The following FCHSD2 variants were observed in gnomAD, a reference collection of about 807,000 sequenced individuals.
The protein encoded by FCHSD2 is F-BAR and double SH3 domains protein 2.
FCHSD2 carries 38 observed loss-of-function variants against 108.1 expected under a neutral mutation model. That is an observed-to-expected ratio of 0.35 (90% CI 0.27 to 0.46). FCHSD2 has a LOEUF of 0.46. Among genes scored for constraint, FCHSD2 ranks in the 20% least tolerant of loss-of-function variants. The probability of loss-of-function intolerance (pLI) is 1.00; values close to 1 mark genes in which losing one functional copy is unlikely to be tolerated. For missense variants in FCHSD2, 751 were observed against 897.8 expected (o/e 0.84, Z 2.09); for synonymous variants, 279 against 314.7 (o/e 0.89, Z 1.20).
At chr11:72,890,105 C>T (rs933603523) in intron 10 of FCHSD2, among the ~76,000 whole-genome samples, 160 bp from the exon 11 acceptor site, 1 of 152,184 alleles carries the variant, frequency 6.6e-6, no homozygotes, top group Non-Finnish European at 1.5e-5. Context: ...CAGAAAGTTA[C>T]CAGAAGAGTA....
chr11:72,988,877 C>T, intron 6 of FCHSD2, 87 bp downstream of exon 6: 1 of 1,108,176 alleles, frequency 9.0e-7, no homozygotes, highest in Non-Finnish European at 1.3e-6. Flanking sequence ...AGAATGGGTC[C>T]ATGCTCACTA....
chr11:73,097,850 C>G (rs1326159333), intron 2 of FCHSD2, among the ~76,000 whole-genome samples: 1 of 152,044 alleles, frequency 6.6e-6, no homozygotes, highest in East Asian at 1.9e-4. Context: ...CTCTGTCTAT[C>G]TATTTTAGAG....
chr11:72,885,023 C>T (rs774166396), intron 12 of FCHSD2, among the ~76,000 whole-genome samples: 24 of 152,092 alleles, frequency 1.6e-4, no homozygotes, highest in African/African-American at 3.1e-4. Flanking sequence ...TCGATAAAAA[C>T]GAAAAACCAC....
intron 9 of FCHSD2, among the ~76,000 whole-genome samples, chr11:72,921,062 A>C (rs1400535160): frequency 3.3e-5 from 5 of 150,194 alleles, no homozygotes; most frequent in Non-Finnish European, 5.9e-5. Flanking sequence ...GCCAGTTCTC[A>C]CTCTCCCTGA....
intron 2 of FCHSD2, among the ~76,000 whole-genome samples, chr11:73,107,963 G>A (rs772301644): frequency 6.6e-6 from 1 of 152,216 alleles, no homozygotes; most frequent in Non-Finnish European, 1.5e-5. Context: ...TATGGCAAGT[G>A]TATCTTTAGT....
chr11:72,967,199 CAA>C (rs555219984), intron 8 of FCHSD2, among the ~76,000 whole-genome samples: 22 of 65,194 alleles, frequency 3.4e-4, no homozygotes, highest in Non-Finnish European at 2.2e-4. Context: ...GACTCTGTCT[CAA>C]AAAAAAAAAA....
intron 2 of FCHSD2, among the ~76,000 whole-genome samples, chr11:73,089,382 A>G (rs946077900): frequency 2.0e-5 from 3 of 152,246 alleles, no homozygotes; most frequent in African/African-American, 7.2e-5. Flanking sequence ...GGAATTCCCA[A>G]ACTGGTTAAA....
chr11:73,055,302 C>T (rs953903171), intron 3 of FCHSD2, among the ~76,000 whole-genome samples: 1 of 151,420 alleles, frequency 6.6e-6, no homozygotes, highest in African/African-American at 2.4e-5. Flanking sequence ...ATGATCACCC[C>T]ACTGGACTCC....
chr11:73,032,851 G>C lies in FCHSD2; in HGVS notation c.166-16966C>G, dbSNP rs1055877796. Among the ~76,000 whole-genome samples, 9 of 152,276 alleles carry C rather than the reference G, an allele frequency of 5.9e-5. No homozygotes were observed. In the East Asian group the frequency reaches 1.5e-3, roughly 26 times the overall value. On this transcript the variant is annotated intron_variant, in intron 3 of 19. Coordinates refer to ENST00000409418, the MANE Select transcript of FCHSD2 (RefSeq NM_014824.3). ...ATGGCTTAAAGGTGAGACTGAATAA[G>C]TAAGGGCTATATCACACAAGGATTT...
intron 2 of FCHSD2, among the ~76,000 whole-genome samples, chr11:73,119,324 T>C (rs1242413996): frequency 2.6e-5 from 4 of 151,992 alleles, no homozygotes; most frequent in African/African-American, 9.7e-5. Flanking sequence ...AAAGAATGCA[T>C]ATTCTCTAAT....
intron 3 of FCHSD2, among the ~76,000 whole-genome samples, chr11:73,018,245 C>A (rs1023004264): frequency 2.0e-5 from 3 of 152,114 alleles, no homozygotes. Flanking sequence ...TTTTACAGTT[C>A]CTGGCCCAGA....
intron 4 of FCHSD2, among the ~76,000 whole-genome samples, chr11:73,008,293 T>C (rs555858376): frequency 1.3e-5 from 2 of 152,212 alleles, no homozygotes; most frequent in South Asian, 2.1e-4. Context: ...GGGCCAAGAC[T>C]GTACCACTGC....
chr11:73,139,872 G>T (rs949322686), intron 2 of FCHSD2, among the ~76,000 whole-genome samples, 159 bp downstream of exon 2: 2 of 152,186 alleles, frequency 1.3e-5, no homozygotes, highest in African/African-American at 4.8e-5. Flanking sequence ...TTTGTATTGT[G>T]TTAGTTCCAG....
At chr11:73,050,491 T>C (rs1259681510) in intron 3 of FCHSD2, among the ~76,000 whole-genome samples, 4 of 152,306 alleles carry the variant, frequency 2.6e-5, no homozygotes, top group East Asian at 1.9e-4. Flanking sequence ...ATTTGAGCTA[T>C]AGCTGCTGAA....
chr11:73,132,900 A>G (rs552904458), intron 2 of FCHSD2, among the ~76,000 whole-genome samples: 4 of 152,136 alleles, frequency 2.6e-5, no homozygotes, highest in African/African-American at 9.6e-5. Flanking sequence ...TGCAAATCAT[A>G]TATGTTATAA....
chr11:72,951,284 T>G (rs1006242878), intron 8 of FCHSD2, among the ~76,000 whole-genome samples: 1 of 152,214 alleles, frequency 6.6e-6, no homozygotes, highest in Non-Finnish European at 1.5e-5. Flanking sequence ...CTAATATAGG[T>G]GGCATCTGTT....
intron 8 of FCHSD2, among the ~76,000 whole-genome samples, chr11:72,939,047 T>G (rs531382728): frequency 6.6e-6 from 1 of 152,178 alleles, no homozygotes; most frequent in Non-Finnish European, 1.5e-5. Context: ...GTAGCCAAAC[T>G]GTACTTTTTT....
intron 3 of FCHSD2, among the ~76,000 whole-genome samples, chr11:73,041,444 C>A (rs1329235938): frequency 1.3e-5 from 2 of 152,050 alleles, no homozygotes; most frequent in African/African-American, 4.8e-5. Context: ...AAGATGATAT[C>A]TCATTGTGGT....
intron 3 of FCHSD2, among the ~76,000 whole-genome samples, chr11:73,050,187 T>A (rs1858866123): frequency 6.6e-6 from 1 of 152,194 alleles, no homozygotes; most frequent in African/African-American, 2.4e-5. Flanking sequence ...AATAGGTATG[T>A]CCGTGGTCTA....
Sources: allele counts gnomAD v4.1 joint callset (sites outside exome capture counted in the v4.1 genomes callset), GRCh38; gene constraint gnomAD v4.1.1; transcripts MANE v1.5; gene names NCBI Gene and HGNC (gene_info 2026-07-23, HGNC 2026-07-21).